PDS5B: variants seen among roughly 807,000 people sequenced by gnomAD.
PDS5B encodes the protein PDS5 cohesin associated factor B, also known as sister chromatid cohesion protein PDS5 homolog B.
A neutral mutation model predicts 184.1 loss-of-function variants in PDS5B; 51 were observed. The observed-to-expected ratio is 0.28, with a 90% CI of 0.22 to 0.35. The LOEUF (loss-of-function observed/expected upper bound fraction) is 0.35. PDS5B is among the 10% of genes least tolerant of loss of function. The pLI is 1.00. For missense variants in PDS5B, 1,180 were observed against 1,723.3 expected (o/e 0.68, Z 5.58); for synonymous variants, 566 against 569.2 (o/e 0.99, Z 0.08).
intron 23 of PDS5B, among the ~76,000 whole-genome samples, chr13:32,743,548 A>G (rs945588329): frequency 2.0e-5 from 3 of 152,128 alleles, no homozygotes; most frequent in African/African-American, 4.8e-5. Context: ...AAATAGGAGA[A>G]TAGCTCTGTG....
intron 1 of PDS5B, among the ~76,000 whole-genome samples, chr13:32,624,938 A>T (rs2058349097): frequency 6.6e-6 from 1 of 152,038 alleles, no homozygotes; most frequent in African/African-American, 2.4e-5. Flanking sequence ...TGAGTGTGGA[A>T]ATGAAGGTTG....
Position 32,597,534 on chromosome 13 carries a change from A to G in PDS5B, c.-20+10941A>G, listed in dbSNP as rs2057895882. ...ACAGAGAGATCCTGTCTCTTTAAAAAAAAGAAAGAGGCCGGGCGCAGTGGC... is the reference window on the plus strand; with the variant it reads ...ACAGAGAGATCCTGTCTCTTTAAAAGAAAGAAAGAGGCCGGGCGCAGTGGC... On this transcript the variant is annotated intron_variant, in intron 1 of 34. Coordinates refer to ENST00000315596, the MANE Select transcript of PDS5B (RefSeq NM_015032.4). Among the ~76,000 whole-genome samples the G allele has an allele frequency of 1.3e-5, 2 of 151,748 alleles. 1 individual carries two copies. Among genetic ancestry groups the G allele is most frequent in the Admixed American group, 1.3e-4 (2 of 15,246 alleles).
At chr13:32,642,003 A>G (rs996015063) in intron 1 of PDS5B, among the ~76,000 whole-genome samples, 1 of 152,198 alleles carries the variant, frequency 6.6e-6, no homozygotes, top group African/African-American at 2.4e-5. Flanking sequence ...CTCAATAAAT[A>G]TTTAAATAAA....
intron 26 of PDS5B, among the ~76,000 whole-genome samples, chr13:32,756,773 T>C (rs546757892): frequency 3.3e-5 from 5 of 152,320 alleles, no homozygotes; most frequent in East Asian, 1.9e-4. Flanking sequence ...TGAATTCTCA[T>C]GGCAAAGGAA....
chr13:32,622,991 T>C (rs1339680781), intron 1 of PDS5B, among the ~76,000 whole-genome samples: 1 of 151,830 alleles, frequency 6.6e-6, no homozygotes, highest in Non-Finnish European at 1.5e-5. Flanking sequence ...GAGACTAGGG[T>C]TTTTAAGGGT....
chr13:32,618,033 T>G (rs1423770588), intron 1 of PDS5B, among the ~76,000 whole-genome samples: 3 of 152,140 alleles, frequency 2.0e-5, no homozygotes, highest in African/African-American at 7.2e-5. Flanking sequence ...TGATGCTGTG[T>G]TCTCATATGG....
At chr13:32,666,835 A>G (rs1277362604) in intron 6 of PDS5B, among the ~76,000 whole-genome samples, 1 of 152,196 alleles carries the variant, frequency 6.6e-6, no homozygotes, top group East Asian at 1.9e-4. Context: ...TAGTCCATAG[A>G]ATCTATGGAG....
Position 32,651,926 on chromosome 13 carries a change from C to G in PDS5B, c.231C>G (p.Arg77=), listed in dbSNP as rs369037635. The G allele has an allele frequency of 8.3e-5, 134 of 1,613,554 alleles. No individual in the cohort carries two copies. The highest frequency in any genetic ancestry group is 1.6e-4 in the Middle Eastern group (1 of 6,080). Residue 77 remains arginine (R), a synonymous_variant, in exon 3 of 35, where the codon CGC becomes CGG. Transcript: ENST00000315596. ...FFLKHPDKDV[R]LLVACCLADI... is the part of the protein sequence containing the mutation. ...TCAAGCATCCTGATAAAGATGTTCGCTTACTGGTAGCCTGCTGCCTTGCTG... is the reference window on the plus strand; with the variant it reads ...TCAAGCATCCTGATAAAGATGTTCGGTTACTGGTAGCCTGCTGCCTTGCTG...
At chr13:32,613,369 G>A (rs542012192) in intron 1 of PDS5B, among the ~76,000 whole-genome samples, 13 of 152,216 alleles carry the variant, frequency 8.5e-5, no homozygotes, top group South Asian at 4.1e-4. Context: ...GTGCATGAGC[G>A]TTTCAGTTTT....
chr13:32,636,053 G>A (rs1265652330), intron 1 of PDS5B, among the ~76,000 whole-genome samples: 1 of 152,084 alleles, frequency 6.6e-6, no homozygotes, highest in Non-Finnish European at 1.5e-5. Flanking sequence ...ACAGGCGTGA[G>A]CCACCGCTCC....
At chr13:32,723,436 G>A (rs1198905878) in intron 19 of PDS5B, among the ~76,000 whole-genome samples, 1 of 151,038 alleles carries the variant, frequency 6.6e-6, no homozygotes, top group Non-Finnish European at 1.5e-5. Context: ...GAACTTGAAG[G>A]TAGAAAGTCA....
rs1355049983 is a variant in PDS5B, at chr13:32,691,975, C to T, written c.1470-2248C>T. ...GTCCATTAATGTTCTGATTTCACCA[C>T]ACTCCCCACTACTACGTATTGCAAC... On this transcript the variant is annotated intron_variant, in intron 13 of 34. Coordinates refer to ENST00000315596, the MANE Select transcript of PDS5B (RefSeq NM_015032.4). Among the ~76,000 whole-genome samples the T allele has an allele frequency of 5.3e-5, 8 of 151,928 alleles. No individual in the cohort carries two copies. The East Asian group carries it at 1.5e-3, about 29-fold the overall frequency.
intron 1 of PDS5B, among the ~76,000 whole-genome samples, chr13:32,590,279 A>G (rs990955855): frequency 1.3e-5 from 2 of 152,186 alleles, no homozygotes; most frequent in Non-Finnish European, 2.9e-5. Context: ...CTCTTTTTTG[A>G]CGGATAATTA....
intron 1 of PDS5B, among the ~76,000 whole-genome samples, chr13:32,604,706 A>T (rs575599622): frequency 3.7e-4 from 56 of 152,144 alleles, no homozygotes; most frequent in Non-Finnish European, 6.6e-4. Context: ...CTGGTCCTGG[A>T]CTTTTTTTGG....
chr13:32,717,154 G>T (rs1434520593), intron 19 of PDS5B, among the ~76,000 whole-genome samples: 4 of 152,370 alleles, frequency 2.6e-5, no homozygotes, highest in African/African-American at 9.6e-5. Flanking sequence ...GAAGTGAGGA[G>T]CCCCTCTGCC....
intron 21 of PDS5B, among the ~76,000 whole-genome samples, chr13:32,737,975 T>C (rs770146250): frequency 1.1e-4 from 16 of 152,190 alleles, no homozygotes; most frequent in Non-Finnish European, 1.8e-4. Context: ...CATTATATCA[T>C]ACCCTGTATA....
At chr13:32,771,065 T>G in intron 33 of PDS5B, 1 of 226,982 alleles carries the variant, frequency 4.4e-6, no homozygotes, top group Non-Finnish European at 8.4e-6. Flanking sequence ...ATTGACCAGG[T>G]TGCCTTGTCA....
chr13:32,764,486 A>G lies in PDS5B; in HGVS notation c.3519-3A>G. 6.4e-7 allele frequency: 1 copy of G among 1,551,824 alleles called. No individual in the cohort carries two copies. Among genetic ancestry groups the G allele is most frequent in the Admixed American group, 1.8e-5 (1 of 55,654 alleles). ...TAACAATTACAAATGTCTGTATTAA[A>G]AGGCTTGATAGTTCTGAAATGGATC... On this transcript the variant is annotated splice_polypyrimidine_tract_variant and splice_region_variant and intron_variant, in intron 30 of 34. Transcript: ENST00000315596.
chr13:32,726,570 C>CA (rs1183481888), intron 19 of PDS5B, among the ~76,000 whole-genome samples: 1 of 152,158 alleles, frequency 6.6e-6, no homozygotes, highest in African/African-American at 2.4e-5. Context: ...TCTGCTTCCC[C>CA]ACAGCCTTGC....
Sources: gnomAD v4.1 joint callset for allele counts (sites outside exome capture counted in the v4.1 genomes callset) on GRCh38, gnomAD v4.1.1 for gene constraint, MANE v1.5 for transcripts, NCBI Gene and HGNC (gene_info 2026-07-23, HGNC 2026-07-21) for gene names.